The following GPHN variants were observed in gnomAD, a reference collection of about 807,000 sequenced individuals.
The protein encoded by GPHN is gephyrin.
A neutral mutation model predicts 95.5 loss-of-function variants in GPHN; 17 were observed. The ratio of observed to expected loss-of-function variants is 0.18; its 90% CI spans 0.12 to 0.27. The LOEUF (loss-of-function observed/expected upper bound fraction) is 0.27. GPHN is among the 10% of genes least tolerant of loss of function. The pLI is 1.00. For missense variants in GPHN, 660 were observed against 978.1 expected (o/e 0.67, Z 4.34); for synonymous variants, 320 against 322.5 (o/e 0.99, Z 0.08).
intron 19 of GPHN, among the ~76,000 whole-genome samples, chr14:67,163,335 A>G (rs986059232): frequency 6.6e-6 from 1 of 151,918 alleles, no homozygotes; most frequent in Non-Finnish European, 1.5e-5. Context: ...AAAAATAGAT[A>G]TTTTTATTAT....
At chr14:66,884,675 A>T (rs1246513784) in intron 5 of GPHN, among the ~76,000 whole-genome samples, 1 of 151,898 alleles carries the variant, frequency 6.6e-6, no homozygotes, top group Non-Finnish European at 1.5e-5. Context: ...ATGATTTGTC[A>T]TGGATTTTAT....
chr14:67,432,018 T>G, the GPHN span, among the ~76,000 whole-genome samples: 1 of 152,252 alleles, frequency 6.6e-6, no homozygotes, highest in Non-Finnish European at 1.5e-5. Flanking sequence ...CTTTTCAATA[T>G]GTACATGAAA....
the GPHN span, among the ~76,000 whole-genome samples, chr14:67,324,944 A>G: frequency 4.4e-5 from 5 of 114,120 alleles, no homozygotes; most frequent in African/African-American, 1.8e-4. Flanking sequence ...TTGCTCTGTC[A>G]CCCAGGCTGG....
the GPHN span, chr14:67,198,050 T>C: frequency 3.1e-6 from 4 of 1,310,254 alleles, no homozygotes; most frequent in South Asian, 4.4e-5. Context: ...ATTGATAAAA[T>C]TTGCTGAATT....
chr14:67,150,607 A>G (rs2081223043), intron 18 of GPHN, among the ~76,000 whole-genome samples: 1 of 152,134 alleles, frequency 6.6e-6, no homozygotes, highest in African/African-American at 2.4e-5. Context: ...GGAAAAACCC[A>G]AGTGAAATAA....
chr14:67,703,570 G>A, the GPHN span, among the ~76,000 whole-genome samples: 1 of 152,170 alleles, frequency 6.6e-6, no homozygotes, highest in Admixed American at 6.6e-5. Flanking sequence ...TGTTAACTCT[G>A]TAGTTCTGGG....
At chr14:67,529,572 C>T in the GPHN span, among the ~76,000 whole-genome samples, 2 of 152,194 alleles carry the variant, frequency 1.3e-5, no homozygotes, top group African/African-American at 4.8e-5. Flanking sequence ...CGCTCACACA[C>T]ACACTGAGGA....
chr14:66,833,130 AG>A (rs1390806820), intron 4 of GPHN, among the ~76,000 whole-genome samples: 19 of 152,190 alleles, frequency 1.2e-4, no homozygotes, highest in African/African-American at 4.6e-4. Context: ...GACGTACACA[AG>A]TCTGGGTAAT....
intron 9 of GPHN, among the ~76,000 whole-genome samples, chr14:67,016,882 T>C (rs1034497987): frequency 6.6e-6 from 1 of 152,162 alleles, no homozygotes; most frequent in African/African-American, 2.4e-5. Flanking sequence ...TGACTTAAAA[T>C]ATTCATAAAG....
At chr14:67,307,743 G>A in the GPHN span, among the ~76,000 whole-genome samples, 2 of 151,970 alleles carry the variant, frequency 1.3e-5, no homozygotes, top group Admixed American at 6.6e-5. Context: ...TGAACTTTAA[G>A]AGTTAAAGAT....
chr14:67,233,113 T>TTTATTTTATTTTA, the GPHN span, among the ~76,000 whole-genome samples: 1 of 139,180 alleles, frequency 7.2e-6, no homozygotes, highest in African/African-American at 2.8e-5. Flanking sequence ...CCAACACATT[T>TTTATTTTATTTTA]TTATTTTATT....
chr14:67,109,722 A>G (rs1359710432), intron 13 of GPHN, among the ~76,000 whole-genome samples: 1 of 152,242 alleles, frequency 6.6e-6, no homozygotes, highest in Non-Finnish European at 1.5e-5. Context: ...CAAACATTAG[A>G]ACTTCAATAA....
chr14:66,654,020 A>C (rs1463052921), intron 1 of GPHN, among the ~76,000 whole-genome samples: 1 of 152,196 alleles, frequency 6.6e-6, no homozygotes, highest in African/African-American at 2.4e-5. Flanking sequence ...ATGACTGTAA[A>C]ATTGTGCATT....
the GPHN span, among the ~76,000 whole-genome samples, chr14:67,299,108 G>C: frequency 6.6e-6 from 1 of 152,176 alleles, no homozygotes; most frequent in African/African-American, 2.4e-5. Flanking sequence ...GATTCTAGCA[G>C]GTAGGTAATG....
intron 5 of GPHN, among the ~76,000 whole-genome samples, chr14:66,891,109 G>C (rs1430504947): frequency 6.6e-6 from 1 of 151,438 alleles, no homozygotes; most frequent in Non-Finnish European, 1.5e-5. Context: ...AGAAATGAAA[G>C]GTATCCAAAT....
chr14:67,070,423 C>T (rs1490685476), intron 11 of GPHN, among the ~76,000 whole-genome samples: 2 of 149,270 alleles, frequency 1.3e-5, no homozygotes, highest in Non-Finnish European at 3.0e-5. Context: ...ACCGGCCGGG[C>T]GCGGTGGCTC....
chr14:67,541,041 T>C, the GPHN span, among the ~76,000 whole-genome samples: 1 of 152,192 alleles, frequency 6.6e-6, no homozygotes, highest in South Asian at 2.1e-4. Context: ...GCAAAATATC[T>C]AGCAGTTTTC....
chr14:67,490,136 C>A, the GPHN span, among the ~76,000 whole-genome samples: 1 of 152,174 alleles, frequency 6.6e-6, no homozygotes, highest in Non-Finnish European at 1.5e-5. Flanking sequence ...ACTGAAACAT[C>A]CAATGTTACT....
intron 1 of GPHN, among the ~76,000 whole-genome samples, chr14:66,561,839 G>A (rs1281802570): frequency 2.0e-5 from 3 of 152,054 alleles, no homozygotes; most frequent in East Asian, 1.9e-4. Context: ...TAAAATCAAG[G>A]TGTCAATAGG....
Sources: allele counts gnomAD v4.1 joint callset (sites outside exome capture counted in the v4.1 genomes callset), GRCh38; gene constraint gnomAD v4.1.1; transcripts MANE v1.5; gene names NCBI Gene and HGNC (gene_info 2026-07-23, HGNC 2026-07-21).